VPS51: variants seen among roughly 807,000 people sequenced by gnomAD.
VPS51 encodes vacuolar protein sorting-associated protein 51 homolog.
In VPS51, 55 loss-of-function variants were observed where a neutral mutation model predicts 65.1. That is an observed-to-expected ratio of 0.84 (90% CI 0.68 to 1.06). The LOEUF is 1.06. Ranked by LOEUF, VPS51 falls within the 50% of genes least tolerant of loss-of-function variation. The pLI, the probability that VPS51 is intolerant of heterozygous loss-of-function variation, is 0.00. For missense variants in VPS51, 943 were observed against 1,101.6 expected, an observed-to-expected ratio of 0.86 and a Z score of 2.04; for synonymous variants, 473 against 489.5, an observed-to-expected ratio of 0.97 and a Z score of 0.44.
rs935356896 is a variant in VPS51 at position 65,096,514 on chromosome 11, G to C, written c.228+36G>C. 12 of 1,142,214 alleles carry C rather than the reference G, an allele frequency of 1.1e-5. 1 individual carries two copies. The highest frequency in any genetic ancestry group is 7.9e-5 in the African/African-American group (5 of 62,942). The allele number at this position is 1,142,214 out of a possible 1,614,324, so 70.8% of individuals were successfully genotyped here. ...ACGGGGAGTGGGGGGGTGCGGGGAG[G>C]GGGGAAGGGAACCAGGCCCCTGCTA... On this transcript the variant is annotated intron_variant, in intron 1 of 9. Transcript: ENST00000279281.
At position 65,102,103 on chromosome 11, in the gene VPS51, C is replaced by T. The variant is rs529835535; in HGVS notation, c.358+4976C>T. On this transcript the variant is annotated intron_variant, in intron 2 of 9. Transcript: ENST00000279281. ...GGCCCAATCGGCTCACTGCAACCTC[C>T]GCCTCCGGGGTTCAAGTGATTCTCC... is the stretch of plus-strand genomic sequence containing the variant. Among the ~76,000 whole-genome samples, 9 of 151,460 alleles carry T rather than the reference C, an allele frequency of 5.9e-5. 1 individual carries two copies. The highest frequency in any genetic ancestry group is 4.2e-4 in the South Asian group (2 of 4,786).
In VPS51 at chr11:65,111,707, T is replaced by G; in HGVS notation, c.*120T>G. The G allele has an allele frequency of 1.4e-6, 2 of 1,396,368 alleles. No individual in the cohort carries two copies. The highest frequency in any genetic ancestry group is 1.9e-6 in the Non-Finnish European group (2 of 1,061,936). The allele number at this position is 1,396,368 out of a possible 1,614,324, so 86.5% of individuals were successfully genotyped here. ...GGCCTAATAAACATGTGTGGCCTCC[T>G]CCTCTCGCTTGCTGGGCGGGCCTTT... is the stretch of plus-strand genomic sequence containing the variant. On this transcript the variant is annotated 3_prime_UTR_variant, in exon 10 of 10. Transcript: ENST00000279281.
At chr11:65,100,633 C>T (rs1373285817) in intron 2 of VPS51, among the ~76,000 whole-genome samples, 2 of 149,240 alleles carry the variant, frequency 1.3e-5, no homozygotes, top group South Asian at 2.1e-4. Context: ...CCAGTTCAAG[C>T]GATTCTCCTG....
In VPS51 at chr11:65,107,753, A is replaced by C. The variant is rs957764779; in HGVS notation, c.505+26A>C. ...GTGGGCGCTGCCGGGCAGGGCCTGC[A>C]GTGGGCCTTTCCTGGGGCTCTGGGG... On this transcript the variant is annotated intron_variant, in intron 3 of 9. Coordinates refer to ENST00000279281, the MANE Select transcript of VPS51 (RefSeq NM_013265.4). This position sits in a 1 kb window ranked among gnomAD's most constrained non-coding sequence, Gnocchi z 4.0. 6.2e-7 allele frequency: 1 copy of C among 1,605,100 alleles called. No individual in the cohort carries two copies.
chr11:65,104,836 C>T (rs1189716955), intron 2 of VPS51, among the ~76,000 whole-genome samples: 3 of 152,192 alleles, frequency 2.0e-5, no homozygotes, highest in African/African-American at 2.4e-5. Context: ...TCCTTCAAGC[C>T]GCCGCAACAC....
chr11:65,110,034 CAT>C (rs1491150736), intron 7 of VPS51, 111 bp downstream of exon 7: 73 of 1,191,540 alleles, frequency 6.1e-5, no homozygotes, highest in Middle Eastern at 2.8e-4. Flanking sequence ...GAGGAGGGGA[CAT>C]GTGTATCTGG....
At chr11:65,104,874 G>C (rs1947831605) in intron 2 of VPS51, among the ~76,000 whole-genome samples, 1 of 152,198 alleles carries the variant, frequency 6.6e-6, no homozygotes, top group Non-Finnish European at 1.5e-5. Flanking sequence ...AGATGCCTTT[G>C]TGTGGAGGGG....
At position 65,108,307 on chromosome 11, in the gene VPS51, G is replaced by A. The variant is rs749185476; in HGVS notation, c.836G>A (p.Arg279Gln). 2 of 1,607,810 alleles carry A rather than the reference G, an allele frequency of 1.2e-6. No homozygotes were observed. Among genetic ancestry groups the A allele is most frequent in the Admixed American group, 1.7e-5 (1 of 59,272 alleles). Residue 279 changes from arginine (R) to glutamine (Q), a missense_variant, in exon 5 of 10, where the codon CGG becomes CAG. This residue lies in a region of VPS51 where 855 missense variants were observed against 953.7 expected (regional missense o/e 0.90). Coordinates refer to ENST00000279281, the MANE Select transcript of VPS51 (RefSeq NM_013265.4). ...CEEFLAHARG[R>Q]LEKELRNLEA... ...GAGTTCCTGGCGCACGCCCGCGGCC[G>A]GCTGGAGAAGGAGCTGAGAAACCTG...
chr11:65,097,133 C>T lies in VPS51; in HGVS notation c.358+6C>T, dbSNP rs754072392. 7.4e-6 allele frequency: 12 copies of T among 1,613,616 alleles called. 1 individual carries two copies. The Admixed American group carries it at 1.5e-4, about 20-fold the overall frequency. On this transcript the variant is annotated splice_donor_region_variant and intron_variant, in intron 2 of 9. Transcript: ENST00000279281. The stretch of plus-strand genomic sequence containing the variant: ...CAAGTTCATCTCAGCCACAGGTGAT[C>T]CCCACGGGGACACACCCTCCAAAGT...
rs1947849234 is a variant in VPS51 at position 65,107,396 on chromosome 11, C to T, written c.359-185C>T. 1 of 700,492 alleles carries T rather than the reference C, an allele frequency of 1.4e-6. No homozygotes were observed. The highest frequency in any genetic ancestry group is 2.4e-6 in the Non-Finnish European group (1 of 419,556). The allele number at this position is 700,492 out of a possible 1,614,324, so 43.4% of individuals were successfully genotyped here. ...ATGTGAGTAACGCCTGCTTTGGGAA[C>T]ATAAACCCCCTCCCCCGCCCCCATG... On this transcript the variant is annotated intron_variant, in intron 2 of 9. Transcript: ENST00000279281. This position sits in a 1 kb window ranked among gnomAD's most constrained non-coding sequence, Gnocchi z 4.0.
chr11:65,096,507 C>CGCCGGGGGGGGGGGGGGGGG, intron 1 of VPS51, 29 bp downstream of exon 1: 1 of 362,222 alleles, frequency 2.8e-6, no homozygotes. Context: ...TGGGGGGGTG[C>CGCCGGGGGGGGGGGGGGGGG]GGGGAGGGGG....
chr11:65,105,608 T>A (rs564298984), intron 2 of VPS51, among the ~76,000 whole-genome samples: 1 of 152,262 alleles, frequency 6.6e-6, no homozygotes, highest in South Asian at 2.1e-4. Context: ...CTGATTTAAT[T>A]CCAACACTAT....
In VPS51 at chr11:65,107,568, C is replaced by G. The variant is rs1309436455; in HGVS notation, c.359-13C>G. 1 of 1,571,486 alleles carries G rather than the reference C, an allele frequency of 6.4e-7. No homozygotes were observed. The highest frequency in any genetic ancestry group is 1.7e-5 in the Admixed American group (1 of 58,128). ...CACCTGCTCTCCCCTTTTCCCCGCC[C>G]CTGCCCTCCTAGACACCATCCGGAA... On this transcript the variant is annotated splice_polypyrimidine_tract_variant and intron_variant, in intron 2 of 9. Coordinates refer to ENST00000279281, the MANE Select transcript of VPS51 (RefSeq NM_013265.4). This position sits in a 1 kb window ranked among gnomAD's most constrained non-coding sequence, Gnocchi z 4.0.
In VPS51 at chr11:65,111,737, G is replaced by T; in HGVS notation, c.*150G>T. ...TCGCTTGCTGGGCGGGCCTTTCCGG[G>T]GGCGGGGTTTTGAAGCTGAGGCTTC... On this transcript the variant is annotated 3_prime_UTR_variant, in exon 10 of 10. Coordinates refer to ENST00000279281, the MANE Select transcript of VPS51 (RefSeq NM_013265.4). 3 of 1,342,938 alleles carry T rather than the reference G, an allele frequency of 2.2e-6. No individual in the cohort carries two copies. Among genetic ancestry groups the T allele is most frequent in the Non-Finnish European group, 3.0e-6 (3 of 1,015,138 alleles). The allele number at this position is 1,342,938 out of a possible 1,614,324, so 83.2% of individuals were successfully genotyped here.
At chr11:65,110,056 G>T in intron 7 of VPS51, 133 bp downstream of exon 7, 1 of 1,021,932 alleles carries the variant, frequency 9.8e-7, no homozygotes. Flanking sequence ...GGCTTCTCAC[G>T]GGGCCAGTTC....
intron 1 of VPS51, chr11:65,096,686 G>T (rs1947772463): frequency 3.2e-6 from 2 of 625,924 alleles, no homozygotes; most frequent in Middle Eastern, 4.3e-4. Context: ...AGGTGATGCG[G>T]CATCTGAGGT....
chr11:65,110,257 C>A, intron 7 of VPS51: 1 of 734,058 alleles, frequency 1.4e-6, no homozygotes, highest in Non-Finnish European at 2.2e-6. Context: ...AGGGTTGGTG[C>A]TGGTGCTGAA....
chr11:65,102,017 CTTTTTTTTT>C (rs990847395), intron 2 of VPS51, among the ~76,000 whole-genome samples: 13 of 121,888 alleles, frequency 1.1e-4, no homozygotes, highest in African/African-American at 3.2e-4. Flanking sequence ...TCTTAACAAG[CTTTTTTTTT>C]TTTTTTTTTT....
rs1484732383 is a variant in VPS51 at position 65,107,355 on chromosome 11, G to A, written c.359-226G>A. On this transcript the variant is annotated intron_variant, in intron 2 of 9. Coordinates refer to ENST00000279281, the MANE Select transcript of VPS51 (RefSeq NM_013265.4). This position sits in a 1 kb window ranked among gnomAD's most constrained non-coding sequence, Gnocchi z 4.0. ...CCGGCTCTCCTGGGCACCAGGGTTA[G>A]GGGGTTACGGGGAGTATGTGAGTAA... 1 of 629,678 alleles carries A rather than the reference G, an allele frequency of 1.6e-6. No homozygotes were observed. Among genetic ancestry groups the A allele is most frequent in the Non-Finnish European group, 2.9e-6 (1 of 350,708 alleles). The allele number at this position is 629,678 out of a possible 1,614,324, so 39.0% of individuals were successfully genotyped here.
Sources: allele counts gnomAD v4.1 joint callset (sites outside exome capture counted in the v4.1 genomes callset), GRCh38; gene constraint gnomAD v4.1.1; regional missense constraint gnomAD v4.1.1; non-coding constraint Gnocchi (gnomAD v3.1); transcripts MANE v1.5; gene names NCBI Gene and HGNC (gene_info 2026-07-23, HGNC 2026-07-21).